Variants in KANSL1 observed in about 807,000 individuals in gnomAD.
KANSL1 encodes MLL1/MLL complex subunit KANSL1.
KANSL1 carries 22 observed loss-of-function variants against 103.6 expected under a neutral mutation model. That is an observed-to-expected ratio of 0.21 (90% CI 0.15 to 0.30). The LOEUF is 0.30. Among genes scored for constraint, KANSL1 ranks in the 10% least tolerant of loss-of-function variants. KANSL1 has a pLI of 1.00. For synonymous variants in KANSL1, 600 were observed against 527.6 expected (o/e 1.14, Z -1.88); for missense variants, 1,337 against 1,399.8 (o/e 0.96, Z 0.72).
At chr17:46,116,980 A>T (rs1261857648) in intron 2 of KANSL1, among the ~76,000 whole-genome samples, 1 of 152,258 alleles carries the variant, frequency 6.6e-6, no homozygotes, top group African/African-American at 2.4e-5. Context: ...TAGAAAGTAT[A>T]AAGTTACATT....
intron 1 of KANSL1, among the ~76,000 whole-genome samples, chr17:46,212,828 G>A (rs2063729025): frequency 1.3e-5 from 2 of 152,284 alleles, no homozygotes; most frequent in African/African-American, 4.8e-5. Flanking sequence ...TTCAGAGATT[G>A]TCCCCTCACC....
intron 4 of KANSL1, among the ~76,000 whole-genome samples, chr17:46,071,343 T>C (rs549614489): frequency 6.6e-6 from 1 of 152,312 alleles, no homozygotes; most frequent in East Asian, 1.9e-4. Context: ...CTACTTAAGA[T>C]CTTGGGAAAT....
At chr17:46,141,215 C>A (rs2044404276) in intron 2 of KANSL1, among the ~76,000 whole-genome samples, 1 of 152,166 alleles carries the variant, frequency 6.6e-6, no homozygotes, top group South Asian at 2.1e-4. Flanking sequence ...TTTATATTCC[C>A]ACCTGTGAGT....
At chr17:46,184,029 T>C (rs1352019531) in intron 1 of KANSL1, among the ~76,000 whole-genome samples, 1 of 152,232 alleles carries the variant, frequency 6.6e-6, no homozygotes, top group Non-Finnish European at 1.5e-5. Context: ...TTCCTCCTGC[T>C]CCTCAACATT....
At chr17:46,141,071 T>C (rs1269517322) in intron 2 of KANSL1, among the ~76,000 whole-genome samples, 2 of 151,352 alleles carry the variant, frequency 1.3e-5, no homozygotes, top group East Asian at 1.9e-4. Context: ...TCCTGTTTGT[T>C]TAAAAAAAAA....
chr17:46,047,069 C>T (rs1212588348), intron 7 of KANSL1, among the ~76,000 whole-genome samples: 1 of 152,160 alleles, frequency 6.6e-6, no homozygotes, highest in Non-Finnish European at 1.5e-5. Flanking sequence ...TCCACCAGCT[C>T]CTGACTATCC....
intron 6 of KANSL1, among the ~76,000 whole-genome samples, chr17:46,051,454 G>A (rs899372580): frequency 1.3e-5 from 2 of 152,182 alleles, no homozygotes; most frequent in Non-Finnish European, 2.9e-5. Context: ...ACCTCTCCAG[G>A]TAAGTCCAAA....
intron 4 of KANSL1, among the ~76,000 whole-genome samples, chr17:46,071,457 T>C (rs2078574710): frequency 1.3e-5 from 2 of 152,130 alleles, no homozygotes; most frequent in African/African-American, 2.4e-5. Flanking sequence ...AGTGTTCCAT[T>C]TGGAAAAAGA....
chr17:46,125,947 CAATA>C (rs1295042520), intron 2 of KANSL1, among the ~76,000 whole-genome samples: 2 of 152,146 alleles, frequency 1.3e-5, no homozygotes, highest in African/African-American at 4.8e-5. Flanking sequence ...TATATGAACT[CAATA>C]AAGCAAATAT....
At chr17:46,199,177 A>C (rs1347452809) in intron 1 of KANSL1, among the ~76,000 whole-genome samples, 1 of 152,286 alleles carries the variant, frequency 6.6e-6, no homozygotes, top group South Asian at 2.1e-4. Context: ...GCCAACAGAA[A>C]GAAGCCAGTT....
At chr17:46,096,661 C>T (rs1023365728) in intron 2 of KANSL1, among the ~76,000 whole-genome samples, 4 of 150,750 alleles carry the variant, frequency 2.7e-5, no homozygotes, top group Admixed American at 6.6e-5. Flanking sequence ...CTCTGTCGCC[C>T]GGGCTGGAGT....
At chr17:46,057,409 T>C (rs111527722) in intron 6 of KANSL1, among the ~76,000 whole-genome samples, 109 of 152,102 alleles carry the variant, frequency 7.2e-4, no homozygotes, top group African/African-American at 2.5e-3. Context: ...GGTAAACAAA[T>C]AGTTGAAAAG....
chr17:46,081,986 G>C (rs572014388), intron 4 of KANSL1, among the ~76,000 whole-genome samples: 100 of 152,318 alleles, frequency 6.6e-4, no homozygotes, highest in Non-Finnish European at 9.9e-4. Context: ...GAAGGAAACA[G>C]AAAATGACAG....
intron 10 of KANSL1, chr17:46,037,448 T>G (rs2077183468): frequency 6.6e-6 from 1 of 152,254 alleles, no homozygotes; most frequent in Admixed American, 6.5e-5. Context: ...GAGTCCATTT[T>G]ATGAGCTTGG....
chr17:46,186,776 T>C (rs1407270195), intron 1 of KANSL1, among the ~76,000 whole-genome samples: 1 of 152,238 alleles, frequency 6.6e-6, no homozygotes, highest in African/African-American at 2.4e-5. Flanking sequence ...TCGCCCAGGC[T>C]GGAGTGCAGT....
chr17:46,097,178 A>G, intron 2 of KANSL1, among the ~76,000 whole-genome samples: 1 of 152,242 alleles, frequency 6.6e-6, no homozygotes, highest in East Asian at 1.9e-4. Context: ...TATTCATTTA[A>G]TAGTTCTATA....
At chr17:46,089,378 C>T (rs1417238516) in intron 3 of KANSL1, among the ~76,000 whole-genome samples, 2 of 151,806 alleles carry the variant, frequency 1.3e-5, no homozygotes, top group East Asian at 3.9e-4. Context: ...CCTAGAATCA[C>T]CTAGCAGTAG....
At position 46,039,589 on chromosome 17, in the gene KANSL1, C is replaced by T. The variant is rs542054201; in HGVS notation, c.2203+113G>A. 78 of 1,186,974 alleles carry T rather than the reference C, an allele frequency of 6.6e-5. No individual in the cohort carries two copies. In the Admixed American group the frequency reaches 7.5e-4, roughly 11 times the overall value. 73.5% of individuals were successfully genotyped at this position (1,186,974 alleles called of 1,614,324 possible). On this transcript the variant is annotated intron_variant, in intron 8 of 14. Transcript: ENST00000432791. ...AGTCACTGTGAGCTGAATTTTTTAT[C>T]GGTCAACTGCCTCTCCCAACCCCAA... is the stretch of plus-strand genomic sequence containing the variant.
intron 1 of KANSL1, among the ~76,000 whole-genome samples, chr17:46,209,962 A>T (rs2048103266): frequency 6.6e-6 from 1 of 152,236 alleles, no homozygotes; most frequent in African/African-American, 2.4e-5. Flanking sequence ...GGTACTCAAT[A>T]AGTATGTGCT....
Sources: gnomAD v4.1 joint callset for allele counts (sites outside exome capture counted in the v4.1 genomes callset) on GRCh38, gnomAD v4.1.1 for gene constraint, MANE v1.5 for transcripts, NCBI Gene and HGNC (gene_info 2026-07-23, HGNC 2026-07-21) for gene names.